Variants in FUT8 observed in about 807,000 individuals in gnomAD.
FUT8 encodes the protein alpha-(1,6)-fucosyltransferase.
A neutral mutation model predicts 71.3 loss-of-function variants in FUT8; 29 were observed. The observed-to-expected ratio is 0.41, with a 90% CI of 0.30 to 0.55. The LOEUF (loss-of-function observed/expected upper bound fraction) is 0.55. FUT8 is among the 20% of genes least tolerant of loss of function. The pLI is 0.34. For synonymous variants in FUT8, 254 were observed against 239.3 expected, an observed-to-expected ratio of 1.06 and a Z score of -0.57; for missense variants, 544 against 702.1, an observed-to-expected ratio of 0.77 and a Z score of 2.55.
chr14:65,698,003 A>AT (rs1894083936), intron 7 of FUT8, among the ~76,000 whole-genome samples: 1 of 151,914 alleles, frequency 6.6e-6, no homozygotes, highest in Non-Finnish European at 1.5e-5. Flanking sequence ...AAAAAAAAAA[A>AT]GGAATATGAA....
the FUT8 span, among the ~76,000 whole-genome samples, chr14:65,399,664 G>C: frequency 6.6e-6 from 1 of 152,168 alleles, no homozygotes; most frequent in Non-Finnish European, 1.5e-5. Flanking sequence ...AAGGTAAAAG[G>C]ACTGCATGGA....
chr14:65,743,757 A>G lies in FUT8; in HGVS notation c.*1347A>G, dbSNP rs765577546. 15 of 152,004 alleles carry G rather than the reference A, an allele frequency of 9.9e-5. No individual in the cohort carries two copies. The highest frequency in any genetic ancestry group is 2.6e-4 in the Admixed American group (4 of 15,234). 9.4% of individuals were successfully genotyped at this position (152,004 alleles called of 1,614,324 possible). A position where few individuals can be genotyped will look rare whatever the true frequency, so the allele number is the denominator to read the frequency against. ...CATGTTAGAATCACTTCAGAAAATA[A>G]GACTTTGATGCTTTGTCTCTGAGCA... On this transcript the variant is annotated 3_prime_UTR_variant, in exon 11 of 11. Coordinates refer to ENST00000673929, the MANE Select transcript of FUT8 (RefSeq NM_001371533.1).
At chr14:65,608,805 A>G (rs1888723509) in intron 3 of FUT8, among the ~76,000 whole-genome samples, 1 of 152,022 alleles carries the variant, frequency 6.6e-6, no homozygotes, top group Admixed American at 6.6e-5. Flanking sequence ...CTGCAGCTGC[A>G]CAGTCCAGCT....
chr14:65,614,212 G>GTTTC (rs1419099818), intron 3 of FUT8, among the ~76,000 whole-genome samples: 8 of 151,900 alleles, frequency 5.3e-5, no homozygotes, highest in African/African-American at 1.7e-4. Flanking sequence ...GGTAAGAATA[G>GTTTC]ATAGCCCAGA....
chr14:65,452,356 C>G (rs780698482), intron 1 of FUT8, among the ~76,000 whole-genome samples: 2 of 152,158 alleles, frequency 1.3e-5, no homozygotes, highest in Admixed American at 6.5e-5. Context: ...CCACAGTTCT[C>G]AAGACATTTG....
Position 65,616,189 on chromosome 14 carries a change from ACT to A in FUT8, c.320-17_320-16del. The A allele has an allele frequency of 6.2e-7, 1 of 1,600,012 alleles. No homozygotes were observed. The highest frequency in any genetic ancestry group is 1.7e-5 in the Admixed American group (1 of 57,198). ...TTATCAAAATGTTGGAAATGCTACA[ACT>A]CTCTATTCTTTGACTACAGGTCTGG... On this transcript the variant is annotated intron_variant, in intron 4 of 10. Coordinates refer to ENST00000673929, the MANE Select transcript of FUT8 (RefSeq NM_001371533.1).
At chr14:65,445,981 G>A (rs2065735298) in intron 1 of FUT8, among the ~76,000 whole-genome samples, 1 of 152,120 alleles carries the variant, frequency 6.6e-6, no homozygotes, top group African/African-American at 2.4e-5. Flanking sequence ...CAAAGAATTG[G>A]GATGGTCACC....
At chr14:65,358,986 TA>T in the FUT8 span, among the ~76,000 whole-genome samples, 1 of 152,242 alleles carries the variant, frequency 6.6e-6, no homozygotes, top group African/African-American at 2.4e-5. Flanking sequence ...CTACAATAAC[TA>T]ATAATTATTC....
At chr14:65,700,577 T>A (rs953693625) in intron 7 of FUT8, among the ~76,000 whole-genome samples, 1 of 151,794 alleles carries the variant, frequency 6.6e-6, no homozygotes, top group Admixed American at 6.6e-5. Context: ...TTTTTTTTGT[T>A]TTTAGTAGAG....
chr14:65,644,138 A>G (rs2140304615), intron 6 of FUT8, among the ~76,000 whole-genome samples: 1 of 152,336 alleles, frequency 6.6e-6, no homozygotes, highest in Admixed American at 6.5e-5. Flanking sequence ...GAGTAGCAAG[A>G]CGCCTATGAA....
intron 1 of FUT8, among the ~76,000 whole-genome samples, chr14:65,428,864 T>A (rs2065427109): frequency 6.6e-6 from 1 of 152,184 alleles, no homozygotes; most frequent in Non-Finnish European, 1.5e-5. Context: ...TTGGAACAAT[T>A]TCAGTGAAGT....
rs930057832 is a variant in FUT8 at position 65,724,266 on chromosome 14, A to G, written c.1202A>G (p.Lys401Arg). The G allele has an allele frequency of 6.2e-7, 1 of 1,613,156 alleles. No homozygotes were observed. Among genetic ancestry groups the G allele is most frequent in the Non-Finnish European group, 8.5e-7 (1 of 1,179,840 alleles). ...CTTGCACGCAGAATGCAAGTGGACA[A>G]AAAAAGAGTGTATTTGGCCACAGAT... Reference protein sequence around the residue: ...QLLARRMQVDKKRVYLATDDP... With the variant: ...QLLARRMQVDRKRVYLATDDP... The change falls in exon 9 of 11, where the codon AAA becomes AGA. Residue 401 changes from lysine (K) to arginine (R), a missense_variant. By Grantham distance (26) the Lys-to-Arg change is conservative. Transcript: ENST00000673929.
intron 7 of FUT8, among the ~76,000 whole-genome samples, chr14:65,708,150 T>C (rs1018816105): frequency 1.3e-5 from 2 of 152,174 alleles, no homozygotes; most frequent in Non-Finnish European, 2.9e-5. Context: ...GTGGATGTAA[T>C]TGAATCATGG....
At chr14:65,644,575 A>G (rs1475194987) in intron 6 of FUT8, among the ~76,000 whole-genome samples, 1 of 151,824 alleles carries the variant, frequency 6.6e-6, no homozygotes, top group East Asian at 2.0e-4. Flanking sequence ...GTTAGCCAGG[A>G]TGGTCTCGAT....
At chr14:65,740,819 G>T (rs1330346611) in intron 10 of FUT8, among the ~76,000 whole-genome samples, 1 of 151,938 alleles carries the variant, frequency 6.6e-6, no homozygotes, top group Non-Finnish European at 1.5e-5. Context: ...CAACATTGGG[G>T]ATTACAGTTC....
chr14:65,371,459 A>C, the FUT8 span, among the ~76,000 whole-genome samples: 1 of 152,230 alleles, frequency 6.6e-6, no homozygotes, highest in Non-Finnish European at 1.5e-5. Context: ...ATCCTCCTTC[A>C]GTCTAGAAGA....
At chr14:65,577,776 T>A (rs1306807889) in intron 3 of FUT8, among the ~76,000 whole-genome samples, 1 of 152,128 alleles carries the variant, frequency 6.6e-6, no homozygotes, top group Non-Finnish European at 1.5e-5. Flanking sequence ...GGTGATCACA[T>A]TCAATAAATG....
intron 3 of FUT8, among the ~76,000 whole-genome samples, chr14:65,578,184 C>T (rs894888081): frequency 1.3e-5 from 2 of 151,894 alleles, no homozygotes; most frequent in Non-Finnish European, 2.9e-5. Flanking sequence ...CTTGATTAAA[C>T]ATTCTTTATA....
In FUT8 at chr14:65,507,363, A is replaced by G. The variant is rs546756781; in HGVS notation, c.-228+51645A>G. ...CAGCCTGATTGAACCCCAGTAATTGATTATAGTCACCCTGTTGTGCTGTCA... is the reference window on the plus strand; with the variant it reads ...CAGCCTGATTGAACCCCAGTAATTGGTTATAGTCACCCTGTTGTGCTGTCA... On this transcript the variant is annotated intron_variant, in intron 2 of 10. Coordinates refer to ENST00000673929, the MANE Select transcript of FUT8 (RefSeq NM_001371533.1). Among the ~76,000 whole-genome samples the G allele has an allele frequency of 1.7e-4, 26 of 152,266 alleles. No individual in the cohort carries two copies. In the East Asian group the frequency reaches 4.8e-3, roughly 28 times the overall value.
Sources: allele counts gnomAD v4.1 joint callset (sites outside exome capture counted in the v4.1 genomes callset), GRCh38; gene constraint gnomAD v4.1.1; transcripts MANE v1.5; gene names NCBI Gene and HGNC (gene_info 2026-07-23, HGNC 2026-07-21).